The following NKAIN2 variants were observed in gnomAD, a reference collection of about 807,000 sequenced individuals.
NKAIN2 encodes the protein sodium/potassium-transporting ATPase subunit beta-1-interacting protein 2.
In NKAIN2, 14 loss-of-function variants were observed where a neutral mutation model predicts 32.6. The ratio of observed to expected loss-of-function variants is 0.43; its 90% CI spans 0.28 to 0.67. The LOEUF (loss-of-function observed/expected upper bound fraction) is 0.67. Among genes scored for constraint, NKAIN2 ranks in the 30% least tolerant of loss-of-function variants. NKAIN2 has a pLI of 0.17. For missense variants in NKAIN2, 198 were observed against 258.3 expected (o/e 0.77, Z 1.60); for synonymous variants, 80 against 87.2 (o/e 0.92, Z 0.46).
chr6:124,611,324 CAAAAT>C (rs1381960988), intron 3 of NKAIN2, among the ~76,000 whole-genome samples: 1 of 151,932 alleles, frequency 6.6e-6, no homozygotes, highest in African/African-American at 2.4e-5. Flanking sequence ...GTTATTAAAA[CAAAAT>C]AAAAGGTAAA....
chr6:124,402,680 C>A (rs1583192980), intron 3 of NKAIN2, among the ~76,000 whole-genome samples: 1 of 152,278 alleles, frequency 6.6e-6, no homozygotes, highest in South Asian at 2.1e-4. Context: ...AGGTCATGAT[C>A]CTAAGCAAAC....
intron 1 of NKAIN2, among the ~76,000 whole-genome samples, chr6:124,221,234 G>A (rs566399687): frequency 6.6e-6 from 1 of 151,750 alleles, no homozygotes; most frequent in African/African-American, 2.4e-5. Flanking sequence ...CCATAAAAAA[G>A]GATGAGTTCA....
rs1554210275 is a variant in NKAIN2, at chr6:124,453,355, A to ACACACACACACACACACACACACACG, written c.273+98022_273+98023insCACACACACACGCACACACACACACA. ...CACACACACACACACACACACACACACACACACACACACAGTTCTGAGGTC... is the reference window on the plus strand; with the variant it reads ...CACACACACACACACACACACACACACACACACACACACACACACACACACGCACACACACACACAGTTCTGAGGTC... On this transcript the variant is annotated intron_variant, in intron 3 of 6. Transcript: ENST00000368417. 2.2e-5 allele frequency among the ~76,000 whole-genome samples: 3 copies of ACACACACACACACACACACACACACG among 136,676 alleles called. No homozygotes were observed. In the East Asian group the frequency reaches 6.6e-4, roughly 30 times the overall value. 89.7% of individuals were successfully genotyped at this position (136,676 alleles called of 152,430 possible).
chr6:123,855,038 G>A (rs1775503849), intron 1 of NKAIN2, among the ~76,000 whole-genome samples: 1 of 152,166 alleles, frequency 6.6e-6, no homozygotes. Flanking sequence ...GTCAAAGTCA[G>A]TTGGACAGCT....
intron 4 of NKAIN2, among the ~76,000 whole-genome samples, chr6:124,668,652 A>G (rs918747153): frequency 6.6e-6 from 1 of 152,132 alleles, no homozygotes; most frequent in African/African-American, 2.4e-5. Context: ...CTACCATACG[A>G]TATGTTAGCA....
chr6:124,459,291 C>A (rs1326362970), intron 3 of NKAIN2, among the ~76,000 whole-genome samples: 1 of 151,772 alleles, frequency 6.6e-6, no homozygotes, highest in African/African-American at 2.4e-5. Flanking sequence ...CTGTTCCTGG[C>A]TCTATGGCTT....
chr6:124,810,958 T>C (rs1486236907), intron 5 of NKAIN2, among the ~76,000 whole-genome samples: 1 of 151,576 alleles, frequency 6.6e-6, no homozygotes, highest in African/African-American at 2.4e-5. Flanking sequence ...CCAGGGATTT[T>C]AGCCCAGACT....
intron 1 of NKAIN2, among the ~76,000 whole-genome samples, chr6:124,192,416 A>G (rs1001075246): frequency 6.6e-6 from 1 of 152,166 alleles, no homozygotes; most frequent in African/African-American, 2.4e-5. Flanking sequence ...CTTTACTGAT[A>G]GTGATTTCTA....
intron 1 of NKAIN2, among the ~76,000 whole-genome samples, chr6:123,812,609 A>G (rs1281355800): frequency 6.6e-6 from 1 of 152,212 alleles, no homozygotes; most frequent in Non-Finnish European, 1.5e-5. Context: ...ACTCCAGAAC[A>G]CCTTGGAGAG....
At chr6:124,260,979 G>A (rs552212183) in intron 1 of NKAIN2, among the ~76,000 whole-genome samples, 1 of 152,296 alleles carries the variant, frequency 6.6e-6, no homozygotes, top group South Asian at 2.1e-4. Flanking sequence ...TCTTGGCCCT[G>A]TGAGAAATAC....
At position 124,368,217 on chromosome 6, in the gene NKAIN2, A is replaced by G. The variant is rs192026634; in HGVS notation, c.273+12870A>G. On this transcript the variant is annotated intron_variant, in intron 3 of 6. Transcript: ENST00000368417. ...ATTTTCAGGGTATTCTTTGGTTGAA[A>G]ACTACAACTATGCTTGCATATTTCC... Among the ~76,000 whole-genome samples, 458 of 152,202 alleles carry G rather than the reference A, an allele frequency of 3.0e-3. 5 individuals carry two copies. The highest frequency in any genetic ancestry group is 0.011 in the African/African-American group (443 of 41,540).
chr6:124,802,823 C>A (rs1294522710), intron 5 of NKAIN2, among the ~76,000 whole-genome samples: 2 of 152,214 alleles, frequency 1.3e-5, no homozygotes, highest in Non-Finnish European at 2.9e-5. Context: ...CTTCCCTCCA[C>A]CTGAACCTAT....
intron 1 of NKAIN2, among the ~76,000 whole-genome samples, chr6:124,278,729 G>A (rs1331931183): frequency 8.2e-6 from 1 of 122,478 alleles, no homozygotes; most frequent in Non-Finnish European, 1.7e-5. Flanking sequence ...TATATATATA[G>A]CACAAAGAAT....
intron 1 of NKAIN2, among the ~76,000 whole-genome samples, chr6:123,836,608 A>C (rs558760673): frequency 5.3e-4 from 80 of 151,648 alleles, no homozygotes; most frequent in South Asian, 1.3e-3. Context: ...ATGGTGACTA[A>C]ATGAAATATG....
At chr6:124,622,255 T>C (rs566089491) in intron 3 of NKAIN2, among the ~76,000 whole-genome samples, 90 of 152,290 alleles carry the variant, frequency 5.9e-4, no homozygotes, top group Non-Finnish European at 1.0e-3. Context: ...CTTCTTCCGG[T>C]TTTTATAAGA....
At chr6:123,839,711 A>C (rs1284383034) in intron 1 of NKAIN2, among the ~76,000 whole-genome samples, 5 of 152,146 alleles carry the variant, frequency 3.3e-5, no homozygotes, top group African/African-American at 1.2e-4. Context: ...CTTTTAAATA[A>C]CTGAATGGTT....
intron 3 of NKAIN2, among the ~76,000 whole-genome samples, chr6:124,541,447 G>A (rs1397023015): frequency 1.3e-5 from 2 of 152,074 alleles, no homozygotes; most frequent in Non-Finnish European, 2.9e-5. Context: ...CCATTGTATG[G>A]AACATATTAA....
chr6:124,668,839 A>G (rs375959015), intron 4 of NKAIN2, among the ~76,000 whole-genome samples: 2 of 152,302 alleles, frequency 1.3e-5, no homozygotes, highest in South Asian at 2.1e-4. Context: ...GATAATAAAA[A>G]TATAGTAAAG....
intron 1 of NKAIN2, among the ~76,000 whole-genome samples, chr6:123,879,658 G>T (rs975978454): frequency 3.3e-5 from 5 of 152,156 alleles, no homozygotes; most frequent in African/African-American, 1.2e-4. Flanking sequence ...TCTGTTTTGA[G>T]AGCCCCCAGC....
Sources: allele counts gnomAD v4.1 joint callset (sites outside exome capture counted in the v4.1 genomes callset), GRCh38; gene constraint gnomAD v4.1.1; transcripts MANE v1.5; gene names NCBI Gene and HGNC (gene_info 2026-07-23, HGNC 2026-07-21).